The following BCKDHB variants were observed in gnomAD, a reference collection of about 807,000 sequenced individuals.
BCKDHB encodes 2-oxoisovalerate dehydrogenase subunit beta, mitochondrial.
BCKDHB carries 41 observed loss-of-function variants against 48.5 expected under a neutral mutation model. The observed-to-expected ratio is 0.85, with a 90% CI of 0.66 to 1.10. The LOEUF (loss-of-function observed/expected upper bound fraction) is 1.10, where lower values mean the gene tolerates loss of function less well. Among genes scored for constraint, BCKDHB ranks in the 50% least tolerant of loss-of-function variants. The probability of loss-of-function intolerance (pLI) is 0.00; values close to 1 mark genes in which losing one functional copy is unlikely to be tolerated. For missense variants in BCKDHB, 496 were observed against 494.2 expected (o/e 1.00, Z -0.03); for synonymous variants, 201 against 174.8 (o/e 1.15, Z -1.18).
At chr6:80,225,888 G>A (rs1208534047) in intron 8 of BCKDHB, among the ~76,000 whole-genome samples, 1 of 152,090 alleles carries the variant, frequency 6.6e-6, no homozygotes, top group Non-Finnish European at 1.5e-5. Flanking sequence ...TATTAGCATT[G>A]TTTTGTCCAT....
chr6:80,167,650 T>C (rs779594181), intron 3 of BCKDHB, 28 bp from the exon 4 acceptor site: 8 of 1,580,146 alleles, frequency 5.1e-6, no homozygotes, highest in Non-Finnish European at 7.0e-6. Flanking sequence ...ATTTGCCACA[T>C]TAACCTTTTT....
At chr6:80,385,135 G>T in the BCKDHB span, among the ~76,000 whole-genome samples, 3 of 152,182 alleles carry the variant, frequency 2.0e-5, no homozygotes, top group Non-Finnish European at 4.4e-5. Flanking sequence ...CTGGTTGGTT[G>T]CTCCTAAGTT....
chr6:80,432,829 A>G, the BCKDHB span, among the ~76,000 whole-genome samples: 2 of 152,004 alleles, frequency 1.3e-5, no homozygotes, highest in African/African-American at 2.4e-5. Flanking sequence ...TCTACCTTTC[A>G]TCTTCAATGT....
At chr6:80,382,107 C>A in the BCKDHB span, among the ~76,000 whole-genome samples, 3 of 152,052 alleles carry the variant, frequency 2.0e-5, no homozygotes, top group Admixed American at 1.3e-4. Context: ...AAAATGTTTA[C>A]CATCATTCTT....
chr6:80,441,218 C>T, the BCKDHB span: 1 of 152,142 alleles, frequency 6.6e-6, no homozygotes, highest in South Asian at 2.1e-4. Context: ...GTGCATATAG[C>T]ATCCTGAAAG....
intron 2 of BCKDHB, among the ~76,000 whole-genome samples, chr6:80,128,074 A>G (rs1055298856): frequency 6.6e-6 from 1 of 151,922 alleles, no homozygotes; most frequent in Non-Finnish European, 1.5e-5. Context: ...TCTTCATCTT[A>G]TTAAATCATT....
the BCKDHB span, among the ~76,000 whole-genome samples, chr6:80,460,757 A>G: frequency 6.6e-6 from 1 of 152,150 alleles, no homozygotes; most frequent in South Asian, 2.1e-4. Context: ...TTGGAACAAG[A>G]CTGATCTTGG....
the BCKDHB span, among the ~76,000 whole-genome samples, chr6:80,461,922 C>T: frequency 1.4e-4 from 21 of 151,968 alleles, no homozygotes; most frequent in Non-Finnish European, 2.4e-4. Context: ...AGAAGAACTG[C>T]CTTTAATCAA....
At chr6:80,282,413 C>A (rs1170602243) in intron 9 of BCKDHB, among the ~76,000 whole-genome samples, 1 of 150,450 alleles carries the variant, frequency 6.6e-6, no homozygotes, top group African/African-American at 2.5e-5. Flanking sequence ...TTCAAGAATT[C>A]TAGGAATCCT....
At chr6:80,242,987 G>A (rs1776451025) in intron 8 of BCKDHB, among the ~76,000 whole-genome samples, 1 of 152,138 alleles carries the variant, frequency 6.6e-6, no homozygotes, top group Non-Finnish European at 1.5e-5. Context: ...TCTCGATCGG[G>A]CAAAGGATTC....
At chr6:80,190,983 C>CT (rs1213637925) in intron 6 of BCKDHB, among the ~76,000 whole-genome samples, 1 of 152,130 alleles carries the variant, frequency 6.6e-6, no homozygotes, top group East Asian at 1.9e-4. Context: ...AGGGATGGGT[C>CT]TGCTCAGCAG....
chr6:80,309,344 A>C (rs1768041363), intron 9 of BCKDHB, among the ~76,000 whole-genome samples: 1 of 152,086 alleles, frequency 6.6e-6, no homozygotes, highest in Admixed American at 6.6e-5. Flanking sequence ...GGATTACAGG[A>C]GTGAGCCACC....
intron 8 of BCKDHB, among the ~76,000 whole-genome samples, chr6:80,253,917 T>TA (rs1369071034): frequency 1.3e-5 from 2 of 151,788 alleles, no homozygotes; most frequent in Non-Finnish European, 2.9e-5. Flanking sequence ...AAATAGAAAT[T>TA]AAAAAAATCT....
intron 3 of BCKDHB, among the ~76,000 whole-genome samples, chr6:80,145,485 C>T (rs1359901130): frequency 6.6e-6 from 1 of 152,194 alleles, no homozygotes; most frequent in African/African-American, 2.4e-5. Context: ...AAGTTTAACA[C>T]AAGCCCACTG....
intron 6 of BCKDHB, among the ~76,000 whole-genome samples, chr6:80,178,820 A>G (rs1773284054): frequency 6.6e-6 from 1 of 152,212 alleles, no homozygotes; most frequent in African/African-American, 2.4e-5. Context: ...GCTCACAGAA[A>G]TAATGAGCGA....
At chr6:80,462,589 G>A in the BCKDHB span, among the ~76,000 whole-genome samples, 1 of 152,180 alleles carries the variant, frequency 6.6e-6, no homozygotes, top group African/African-American at 2.4e-5. Flanking sequence ...CACATAGCCA[G>A]TGTTTCAGGA....
At chr6:80,243,122 A>G (rs759539532) in intron 8 of BCKDHB, among the ~76,000 whole-genome samples, 6 of 152,196 alleles carry the variant, frequency 3.9e-5, no homozygotes, top group Admixed American at 6.5e-5. Context: ...AGACTGGACA[A>G]TAGGATAAAA....
intron 8 of BCKDHB, among the ~76,000 whole-genome samples, chr6:80,230,698 A>C (rs1775891079): frequency 6.6e-6 from 1 of 152,122 alleles, no homozygotes; most frequent in Non-Finnish European, 1.5e-5. Flanking sequence ...GGAGGCTAGG[A>C]TGTCTAAGGT....
rs557129592 is a variant in BCKDHB, at chr6:80,331,209, C to T, written c.1039-12455C>T. 4.6e-4 allele frequency among the ~76,000 whole-genome samples: 70 copies of T among 152,076 alleles called. 1 individual carries two copies. The highest frequency in any genetic ancestry group is 1.5e-4 in the Non-Finnish European group (10 of 68,012). On this transcript the variant is annotated intron_variant, in intron 9 of 9. Transcript: ENST00000320393. The stretch of plus-strand genomic sequence containing the variant: ...GCAACCCACCCAGTTGAGAGAGCCC[C>T]TCTGAAAAGGATTTCCTTCCATGGA...
Sources: allele counts gnomAD v4.1 joint callset (sites outside exome capture counted in the v4.1 genomes callset), GRCh38; gene constraint gnomAD v4.1.1; transcripts MANE v1.5; gene names NCBI Gene and HGNC (gene_info 2026-07-23, HGNC 2026-07-21).